Variants in RBFOX1 observed in about 807,000 individuals in gnomAD.
RBFOX1 encodes RNA binding protein fox-1 homolog 1.
Under a neutral mutation model 57.7 loss-of-function variants are expected in RBFOX1, and 8 were observed. The observed-to-expected ratio is 0.14, with a 90% CI of 0.08 to 0.25. The LOEUF is 0.25. Among genes scored for constraint, RBFOX1 ranks in the 10% least tolerant of loss-of-function variants. The pLI is 1.00. For missense variants in RBFOX1, 611 were observed against 548.5 expected (o/e 1.11, Z -1.14); for synonymous variants, 326 against 222.4 (o/e 1.47, Z -4.15).
chr16:5,799,851 G>C lies in RBFOX1; in HGVS notation c.319-67452G>C, dbSNP rs529198415. ...CCTATTCAACAAATGTTAGTTCCCA[G>C]AATATAGTGTGGTATGTTTGATTTT... On this transcript the variant is annotated intron_variant, in intron 3 of 19. Transcript: ENST00000641259. Among the ~76,000 whole-genome samples the C allele has an allele frequency of 3.9e-5, 6 of 152,154 alleles. No homozygotes were observed. The East Asian group carries it at 1.2e-3, about 29-fold the overall frequency.
At chr16:5,752,576 A>G (rs2053248247) in intron 3 of RBFOX1, among the ~76,000 whole-genome samples, 1 of 152,164 alleles carries the variant, frequency 6.6e-6, no homozygotes, top group Admixed American at 6.5e-5. Context: ...GGGCCATAGG[A>G]TCTTATTTTC....
intron 4 of RBFOX1, among the ~76,000 whole-genome samples, chr16:7,486,056 G>A (rs2065278926): frequency 6.6e-6 from 1 of 150,902 alleles, no homozygotes; most frequent in South Asian, 2.1e-4. Context: ...CTTCTTCTGT[G>A]CTACCACTTG....
chr16:6,949,271 C>G (rs1052935397), intron 3 of RBFOX1, among the ~76,000 whole-genome samples: 1 of 152,250 alleles, frequency 6.6e-6, no homozygotes, highest in East Asian at 1.9e-4. Flanking sequence ...CTCAATTTCA[C>G]AAAACAAACC....
chr16:6,504,890 C>G (rs1205246481), intron 2 of RBFOX1, among the ~76,000 whole-genome samples: 1 of 135,674 alleles, frequency 7.4e-6, no homozygotes, highest in African/African-American at 2.6e-5. Context: ...TCTGTCTCTA[C>G]TAAAATTACA....
intron 4 of RBFOX1, among the ~76,000 whole-genome samples, chr16:7,060,790 A>T (rs12709170): frequency 0.69 from 105,473 of 152,044 alleles, 37,661 homozygotes; most frequent in East Asian, 0.91. Flanking sequence ...TTCTCCCCTC[A>T]CTTAAGAAAA....
intron 4 of RBFOX1, among the ~76,000 whole-genome samples, chr16:7,110,656 C>T (rs369362811): frequency 1.4e-3 from 216 of 152,222 alleles, no homozygotes; most frequent in African/African-American, 4.9e-3. Context: ...GAAACCTAAA[C>T]CATATTCATT....
chr16:6,689,926 C>G (rs930274921), intron 3 of RBFOX1, among the ~76,000 whole-genome samples: 1 of 152,162 alleles, frequency 6.6e-6, no homozygotes. Flanking sequence ...AATTGAGAAT[C>G]AGCAACGAAG....
intron 3 of RBFOX1, among the ~76,000 whole-genome samples, chr16:6,789,269 A>T (rs550178431): frequency 1.3e-5 from 2 of 152,334 alleles, no homozygotes; most frequent in South Asian, 4.1e-4. Context: ...CCCATGGTTC[A>T]CCAGAACTTA....
chr16:5,254,570 T>C (rs956414962), intron 1 of RBFOX1, among the ~76,000 whole-genome samples: 1 of 152,208 alleles, frequency 6.6e-6, no homozygotes, highest in Non-Finnish European at 1.5e-5. Context: ...TTAACACTTC[T>C]CTTGACTGCC....
chr16:6,141,752 G>T (rs1311495158), intron 1 of RBFOX1, among the ~76,000 whole-genome samples: 1 of 151,892 alleles, frequency 6.6e-6, no homozygotes, highest in African/African-American at 2.4e-5. Context: ...ATTATTGTAT[G>T]CTGATCTATT....
chr16:7,108,732 G>C (rs1567288892), intron 4 of RBFOX1, among the ~76,000 whole-genome samples: 1 of 152,170 alleles, frequency 6.6e-6, no homozygotes, highest in Non-Finnish European at 1.5e-5. Flanking sequence ...GATAGCACTA[G>C]TGGAAATTTA....
intron 1 of RBFOX1, among the ~76,000 whole-genome samples, chr16:6,048,695 G>A (rs763533702): frequency 1.4e-4 from 21 of 151,962 alleles, no homozygotes; most frequent in African/African-American, 4.8e-5. Context: ...CATTATATAC[G>A]AGTGACCTTT....
Position 5,263,960 on chromosome 16 carries a change from C to T in RBFOX1, c.219+23855C>T, listed in dbSNP as rs202031054. On this transcript the variant is annotated intron_variant, in intron 1 of 2. Transcript: ENST00000585867. ...TGTGATTCTTTCCAGTATCATTCAG[C>T]AGCCCTTGGGCAGTTGCAAGGCAAG... is the stretch of plus-strand genomic sequence containing the variant. Among the ~76,000 whole-genome samples the T allele has an allele frequency of 1.3e-5, 2 of 152,164 alleles. 1 individual carries two copies. Among genetic ancestry groups the T allele is most frequent in the Non-Finnish European group, 2.9e-5 (2 of 68,030 alleles).
intron 3 of RBFOX1, among the ~76,000 whole-genome samples, chr16:5,785,840 C>T (rs11861310): frequency 0.35 from 52,688 of 151,954 alleles, 9,947 homozygotes; most frequent in East Asian, 0.55. Flanking sequence ...ATGTCTGCAA[C>T]TTCCTGAAAA....
At chr16:5,675,218 G>GCACACA (rs113522371) in intron 3 of RBFOX1, among the ~76,000 whole-genome samples, 1 of 150,170 alleles carries the variant, frequency 6.7e-6, no homozygotes, top group African/African-American at 2.4e-5. Flanking sequence ...ATGTACTCAC[G>GCACACA]CACACACACA....
At chr16:5,934,563 C>T (rs182269435) in intron 4 of RBFOX1, among the ~76,000 whole-genome samples, 1 of 152,166 alleles carries the variant, frequency 6.6e-6, no homozygotes, top group East Asian at 1.9e-4. Flanking sequence ...GCAGTATGGA[C>T]AGATCCCGCC....
chr16:6,809,389 G>A (rs1408077101), intron 3 of RBFOX1, among the ~76,000 whole-genome samples: 3 of 152,130 alleles, frequency 2.0e-5, no homozygotes, highest in Admixed American at 6.5e-5. Flanking sequence ...TTCTAAAGGT[G>A]CATTTTTAAA....
intron 3 of RBFOX1, among the ~76,000 whole-genome samples, chr16:5,712,274 T>G (rs2051518762): frequency 6.6e-6 from 1 of 152,206 alleles, no homozygotes; most frequent in Non-Finnish European, 1.5e-5. Context: ...CCAAACCATA[T>G]AATGCTAAAT....
At chr16:6,838,006 C>A (rs939083036) in intron 3 of RBFOX1, among the ~76,000 whole-genome samples, 19 of 113,508 alleles carry the variant, frequency 1.7e-4, no homozygotes, top group Middle Eastern at 3.8e-3. Context: ...AAGTTACCAC[C>A]CCTTTTTTTT....
Sources: allele counts gnomAD v4.1 joint callset (sites outside exome capture counted in the v4.1 genomes callset), GRCh38; gene constraint gnomAD v4.1.1; transcripts MANE v1.5; gene names NCBI Gene and HGNC (gene_info 2026-07-23, HGNC 2026-07-21).